ADGRL1: variants seen among roughly 807,000 people sequenced by gnomAD.
ADGRL1 encodes adhesion G protein-coupled receptor L1.
ADGRL1 carries 31 observed loss-of-function variants against 148.9 expected under a neutral mutation model. The ratio of observed to expected loss-of-function variants is 0.21; its 90% CI spans 0.16 to 0.28. ADGRL1 has a LOEUF of 0.28. Ranked by LOEUF, ADGRL1 falls within the 10% of genes least tolerant of loss-of-function variation. ADGRL1 has a pLI of 1.00. For synonymous variants in ADGRL1, 937 were observed against 900.3 expected (o/e 1.04, Z -0.73); for missense variants, 1,521 against 2,058.8 (o/e 0.74, Z 5.05).
chr19:14,157,475 A>AG lies in ADGRL1; in HGVS notation c.2536-16dup. 3.7e-6 allele frequency: 6 copies of AG among 1,613,120 alleles called. No homozygotes were observed. The highest frequency in any genetic ancestry group is 5.1e-6 in the Non-Finnish European group (6 of 1,179,554). On this transcript the variant is annotated splice_polypyrimidine_tract_variant and intron_variant, in intron 13 of 22. Coordinates refer to ENST00000361434, the MANE Select transcript of ADGRL1 (RefSeq NM_014921.5). This position sits in a 1 kb window ranked among gnomAD's most constrained non-coding sequence, Gnocchi z 7.5. Reference sequence around the variant, plus strand: ...CGGCCCTGGTACTGGGGACAGGAACAGGGGGCACGCTCAGGGCCTTTGGTT... The same window carrying AG: ...CGGCCCTGGTACTGGGGACAGGAACAGGGGGGCACGCTCAGGGCCTTTGGTT...
At chr19:14,196,611 C>A (rs1242605795) in intron 1 of ADGRL1, among the ~76,000 whole-genome samples, 1 of 152,084 alleles carries the variant, frequency 6.6e-6, no homozygotes, top group Non-Finnish European at 1.5e-5. Flanking sequence ...CAGAGCAAGA[C>A]CCCATCTCAA....
Position 14,160,095 on chromosome 19 carries a change from C to T in ADGRL1, c.1800+17G>A. 1.3e-6 allele frequency: 2 copies of T among 1,565,182 alleles called. No individual in the cohort carries two copies. Among genetic ancestry groups the T allele is most frequent in the South Asian group, 1.1e-5 (1 of 87,160 alleles). ...GCGCCCTCCCCATACCAGGTCAGCGCCACCGCCAGGCCCCACCTTGTTGTA... is the reference window on the plus strand; with the variant it reads ...GCGCCCTCCCCATACCAGGTCAGCGTCACCGCCAGGCCCCACCTTGTTGTA... On this transcript the variant is annotated intron_variant, in intron 8 of 22. Coordinates refer to ENST00000361434, the MANE Select transcript of ADGRL1 (RefSeq NM_014921.5). The surrounding 1 kb of genome is among the most constrained non-coding windows in gnomAD (Gnocchi z 5.9).
intron 3 of ADGRL1, among the ~76,000 whole-genome samples, chr19:14,175,726 A>G (rs1449334163): frequency 6.6e-6 from 1 of 152,062 alleles, no homozygotes; most frequent in African/African-American, 2.4e-5. Context: ...ATTTAGTCAC[A>G]CACTCAAAAA....
chr19:14,191,647 C>T, intron 1 of ADGRL1: 1 of 369,406 alleles, frequency 2.7e-6, no homozygotes, highest in Non-Finnish European at 5.4e-6. Flanking sequence ...CCTCACAGGG[C>T]CTCTTCTCTA....
chr19:14,151,013 G>A lies in ADGRL1; in HGVS notation c.4270C>T (p.Pro1424Ser), dbSNP rs1177587720. The A allele has an allele frequency of 6.4e-7, 1 of 1,570,338 alleles. No individual in the cohort carries two copies. The highest frequency in any genetic ancestry group is 8.6e-7 in the Non-Finnish European group (1 of 1,158,642). The stretch of plus-strand genomic sequence containing the variant: ...AGGGGATTCCGGGCCACCAGGGCTG[G>A]CGGGCGCGAGGTGTAGTAGATTTCG... ...PPEIYYTSRP[P>S]ALVARNPLQG... The change falls in exon 23 of 23, where the codon CCA (proline) becomes TCA (serine). Residue 1424 changes from proline (P) to serine (S), a missense_variant. By Grantham distance (74) the Pro-to-Ser change is moderately conservative. Coordinates refer to ENST00000361434, the MANE Select transcript of ADGRL1 (RefSeq NM_014921.5).
At chr19:14,166,856 G>C (rs1160054961) in intron 4 of ADGRL1, among the ~76,000 whole-genome samples, 1 of 152,054 alleles carries the variant, frequency 6.6e-6, no homozygotes, top group Non-Finnish European at 1.5e-5. Flanking sequence ...CCGCACCAGG[G>C]CTGGTCCCAC....
In ADGRL1 at chr19:14,151,361, C is replaced by T. The variant is rs766310417; in HGVS notation, c.3922G>A (p.Val1308Met). The T allele has an allele frequency of 1.3e-4, 216 of 1,600,644 alleles. No homozygotes were observed. The highest frequency in any genetic ancestry group is 3.3e-4 in the Middle Eastern group (2 of 6,012). Residue 1308 changes from valine (V) to methionine (M), a missense_variant, in exon 23 of 23, where the codon GTG (valine) becomes ATG (methionine). Transcript: ENST00000361434. Reference sequence around the variant, plus strand: ...TCTTCCTCGCCCCCGCCCCCTGGCACAGGTGGCACAGGGGGCTCAGGCGGT... The same window carrying T: ...TCTTCCTCGCCCCCGCCCCCTGGCATAGGTGGCACAGGGGGCTCAGGCGGT... ...PPPPEPPVPP[V>M]PGGGGEEEAG... is the part of the protein sequence containing the mutation.
At chr19:14,175,615 C>T (rs1202452737) in intron 3 of ADGRL1, among the ~76,000 whole-genome samples, 1 of 151,986 alleles carries the variant, frequency 6.6e-6, no homozygotes, top group African/African-American at 2.4e-5. Flanking sequence ...CAGACACACT[C>T]AGACACACTC....
intron 15 of ADGRL1, 23 bp from the exon 16 acceptor site, chr19:14,156,747 G>T (rs1306642283): frequency 2.5e-6 from 4 of 1,600,710 alleles, no homozygotes; most frequent in Non-Finnish European, 3.4e-6. Flanking sequence ...CAGGGCCGGG[G>T]TATAGAGAGA....
chr19:14,161,463 T>G lies in ADGRL1; in HGVS notation c.1359A>C (p.Thr453=). The change falls in exon 6 of 23, where the codon ACA becomes ACC. Residue 453 remains threonine, a synonymous_variant. Coordinates refer to ENST00000361434, the MANE Select transcript of ADGRL1 (RefSeq NM_014921.5). The surrounding 1 kb of genome is among the most constrained non-coding windows in gnomAD (Gnocchi z 4.4). Reference sequence around the variant, plus strand: ...GCCGCCGGGTGCTGGGGACTGGGGCTGTGGCTGGAGGCAGATCAGGTCCCA... The same window carrying G: ...GCCGCCGGGTGCTGGGGACTGGGGCGGTGGCTGGAGGCAGATCAGGTCCCA... ...NQLGPDLPPA[T]APVPSTRRPP... 3 of 1,464,438 alleles carry G rather than the reference T, an allele frequency of 2.0e-6. No homozygotes were observed. Among genetic ancestry groups the G allele is most frequent in the Admixed American group, 2.6e-5 (1 of 37,832 alleles). The allele number at this position is 1,464,438 out of a possible 1,614,324, so 90.7% of individuals were successfully genotyped here.
chr19:14,181,799 G>C (rs1197540799), intron 2 of ADGRL1, among the ~76,000 whole-genome samples: 1 of 152,138 alleles, frequency 6.6e-6, no homozygotes, highest in East Asian at 1.9e-4. Context: ...TGTAAAATGA[G>C]CACCTACAGC....
chr19:14,188,576 T>C (rs1186625701), intron 1 of ADGRL1, among the ~76,000 whole-genome samples: 2 of 152,146 alleles, frequency 1.3e-5, no homozygotes, highest in African/African-American at 2.4e-5. Context: ...CTGAAACCCT[T>C]GACTCCTCTC....
intron 1 of ADGRL1, among the ~76,000 whole-genome samples, chr19:14,196,973 A>C (rs376974232): frequency 9.2e-5 from 14 of 152,198 alleles, no homozygotes; most frequent in East Asian, 5.8e-4. Flanking sequence ...TCAACGAAGA[A>C]CCTTTTAAAG....
rs950974236 is a variant in ADGRL1, at chr19:14,161,882, G to A, written c.1196-256C>T. Among the ~76,000 whole-genome samples, 1 of 152,132 alleles carries A rather than the reference G, an allele frequency of 6.6e-6. No homozygotes were observed. The highest frequency in any genetic ancestry group is 1.5e-5 in the Non-Finnish European group (1 of 68,016). ...TGTGTACCATAAGGTCTGAGAGAAC[G>A]GTCAGGGGAGAGGCAGGGACAGAGG... On this transcript the variant is annotated intron_variant, in intron 5 of 22. Transcript: ENST00000361434. The surrounding 1 kb of genome is among the most constrained non-coding windows in gnomAD (Gnocchi z 4.4).
At chr19:14,156,051 G>T in intron 17 of ADGRL1, 59 bp downstream of exon 17, 1 of 1,320,856 alleles carries the variant, frequency 7.6e-7, no homozygotes, top group Non-Finnish European at 1.1e-6. Context: ...GGAAGAGGTG[G>T]GCCCAGCGTG....
At chr19:14,171,129 T>C (rs1970437144) in intron 3 of ADGRL1, 2 of 218,876 alleles carry the variant, frequency 9.1e-6, no homozygotes, top group African/African-American at 2.3e-5. Flanking sequence ...ACTCCAGCCA[T>C]GTACGGCGTG....
At chr19:14,158,649 TTGGCCACGC>T in intron 11 of ADGRL1, 97 bp from the exon 12 acceptor site, 1 of 985,042 alleles carries the variant, frequency 1.0e-6, no homozygotes, top group Non-Finnish European at 1.5e-6. Context: ...TCCTCAGCCC[TTGGCCACGC>T]TGGCCACTGG....
intron 2 of ADGRL1, among the ~76,000 whole-genome samples, chr19:14,179,811 G>T (rs183761051): frequency 6.6e-6 from 1 of 151,868 alleles, no homozygotes; most frequent in Non-Finnish European, 1.5e-5. Flanking sequence ...CTTGGGAGGC[G>T]AGGCAGGACA....
In ADGRL1 at chr19:14,158,297, T is replaced by C. The variant is rs766120720; in HGVS notation, c.2364+41A>G. The C allele has an allele frequency of 3.8e-6, 6 of 1,592,446 alleles. No homozygotes were observed. In the South Asian group the frequency reaches 6.6e-5, roughly 18 times the overall value. On this transcript the variant is annotated intron_variant, in intron 12 of 22. Coordinates refer to ENST00000361434, the MANE Select transcript of ADGRL1 (RefSeq NM_014921.5). ...GTACACAGCCTGGGAACACAGAGGG[T>C]ACAGGGACCCCCATGGAGGGAGGGG...
Sources: gnomAD v4.1 joint callset for allele counts (sites outside exome capture counted in the v4.1 genomes callset) on GRCh38, gnomAD v4.1.1 for gene constraint, Gnocchi (gnomAD v3.1) non-coding constraint, MANE v1.5 for transcripts, NCBI Gene and HGNC (gene_info 2026-07-23, HGNC 2026-07-21) for gene names.